The following KIF9 variants were observed in gnomAD, a reference collection of about 807,000 sequenced individuals.
The protein encoded by KIF9 is kinesin family member 9.
In KIF9, 68 loss-of-function variants were observed where a neutral mutation model predicts 94.8. The ratio of observed to expected loss-of-function variants is 0.72; its 90% CI spans 0.59 to 0.88. The LOEUF is 0.88. Among genes scored for constraint, KIF9 ranks in the 40% least tolerant of loss-of-function variants. The pLI, the probability that KIF9 is intolerant of heterozygous loss-of-function variation, is 0.00. For synonymous variants in KIF9, 343 were observed against 362.1 expected, an observed-to-expected ratio of 0.95 and a Z score of 0.60; for missense variants, 882 against 982.5, an observed-to-expected ratio of 0.90 and a Z score of 1.37.
Position 47,236,042 on chromosome 3 carries a change from C to T in KIF9, c.2209G>A (p.Val737Met). The change falls in exon 19 of 21, where the codon GTG becomes ATG. Residue 737 changes from valine (V) to methionine (M), a missense_variant. Physicochemically the swap from Val to Met is conservative, Grantham distance 21. Transcript: ENST00000684063. ...GCCCCTGTGCCGCTCACCAGAGACA[C>T]AATCCTGTTCACAGGGACCATGCCT... ...RPGMVPVNRI[V>M]SLGEDDQDKF... 2 of 1,613,512 alleles carry T rather than the reference C, an allele frequency of 1.2e-6. No homozygotes were observed. Among genetic ancestry groups the T allele is most frequent in the Non-Finnish European group, 1.7e-6 (2 of 1,179,450 alleles).
In KIF9 at chr3:47,234,845, C is replaced by T. The variant is rs528320427; in HGVS notation, c.2322+668G>A. Among the ~76,000 whole-genome samples the T allele has an allele frequency of 1.3e-3, 197 of 151,996 alleles. 2 individuals are homozygous for T. The highest frequency in any genetic ancestry group is 4.4e-3 in the African/African-American group (182 of 41,296). Reference sequence around the variant, plus strand: ...TGCTGGGATTACAGGCGTGAGCCACCGTGCCCAGCCATATACTTTCATGCT... The same window carrying T: ...TGCTGGGATTACAGGCGTGAGCCACTGTGCCCAGCCATATACTTTCATGCT... On this transcript the variant is annotated intron_variant, in intron 20 of 20. Transcript: ENST00000684063.
At chr3:47,247,113 G>T (rs541363503) in intron 12 of KIF9, among the ~76,000 whole-genome samples, 8 of 152,168 alleles carry the variant, frequency 5.3e-5, no homozygotes, top group Non-Finnish European at 8.8e-5. Context: ...TGAAGTACAC[G>T]AGGTTGAGTA....
At chr3:47,246,854 A>G (rs1699957988) in intron 12 of KIF9, among the ~76,000 whole-genome samples, 1 of 152,146 alleles carries the variant, frequency 6.6e-6, no homozygotes, top group Admixed American at 6.5e-5. Flanking sequence ...CCATGTCTCC[A>G]AGAAGAGGGG....
chr3:47,278,850 TAATCCC>T (rs1246768838), intron 1 of KIF9, among the ~76,000 whole-genome samples: 1 of 152,052 alleles, frequency 6.6e-6, no homozygotes, highest in Non-Finnish European at 1.5e-5. Context: ...CAGACGCCTG[TAATCCC>T]AGCTACTCAG....
chr3:47,280,921 AT>A (rs1382833900), intron 1 of KIF9: 1 of 702,906 alleles, frequency 1.4e-6, no homozygotes, highest in African/African-American at 1.7e-5. Context: ...ACACCCAAAC[AT>A]TTAGGGACCC....
intron 9 of KIF9, chr3:47,263,824 C>G (rs960138580): frequency 1.1e-5 from 5 of 456,528 alleles, no homozygotes; most frequent in Admixed American, 9.4e-5. Context: ...CCAGGTTACT[C>G]CTGCTTACCA....
chr3:47,271,559 A>G, intron 4 of KIF9, 98 bp from the exon 5 acceptor site: 1 of 821,140 alleles, frequency 1.2e-6, no homozygotes, highest in Non-Finnish European at 2.1e-6. Context: ...ATCAAGATGT[A>G]TAGAATAATT....
At chr3:47,281,215 C>A in intron 1 of KIF9, 1 of 566,986 alleles carries the variant, frequency 1.8e-6, no homozygotes, top group South Asian at 2.2e-5. Flanking sequence ...TCCCAAGGGG[C>A]ATATGATGTC....
intron 3 of KIF9, among the ~76,000 whole-genome samples, chr3:47,274,005 C>T (rs1701808644): frequency 1.3e-5 from 2 of 152,294 alleles, no homozygotes; most frequent in Admixed American, 6.5e-5. Flanking sequence ...GAGATAGGAG[C>T]ATTAGACTCC....
Position 47,235,600 on chromosome 3 carries a change from G to T in KIF9, c.2235C>A (p.Asp745Glu), listed in dbSNP as rs763055489. 6.2e-7 allele frequency: 1 copy of T among 1,613,996 alleles called. No homozygotes were observed. Among genetic ancestry groups the T allele is most frequent in the Non-Finnish European group, 8.5e-7 (1 of 1,179,874 alleles). The part of the protein sequence containing the change: ...RIVSLGEDDQ[D>E]KFSQLQQRVL... ...CCCTCTGCTGCAGCTGGCTGAATTTGTCCTGGTCATCTTCTCCCTGGGGGA... is the reference window on the plus strand; with the variant it reads ...CCCTCTGCTGCAGCTGGCTGAATTTTTCCTGGTCATCTTCTCCCTGGGGGA... Residue 745 changes from aspartate to glutamate, a missense_variant, in exon 20 of 21, where the codon GAC becomes GAA. By Grantham distance (45) the Asp-to-Glu change is conservative. Transcript: ENST00000684063.
Position 47,240,906 on chromosome 3 carries a change from T to A in KIF9, c.1819A>T (p.Arg607Trp). ...TGTGTGGTCTCGCTGGCCCTTTTCC[T>A]CCGTTCATTCAAGATGGATTTGTTT... ...KENKSILNER[R>W]KRASETTQHI... The change falls in exon 17 of 21, where the codon AGG becomes TGG. Residue 607 changes from arginine to tryptophan, a missense_variant. By Grantham distance (101) the Arg-to-Trp change is moderately radical. Transcript: ENST00000684063. The A allele has an allele frequency of 6.2e-7, 1 of 1,614,198 alleles. No homozygotes were observed. The highest frequency in any genetic ancestry group is 8.5e-7 in the Non-Finnish European group (1 of 1,180,044).
At chr3:47,268,554 A>AATATAAGG (rs1013802920) in intron 5 of KIF9, among the ~76,000 whole-genome samples, 1 of 151,814 alleles carries the variant, frequency 6.6e-6, no homozygotes, top group African/African-American at 2.4e-5. Context: ...ACTCACCAAG[A>AATATAAGG]ATATAAGGGG....
intron 16 of KIF9, among the ~76,000 whole-genome samples, chr3:47,241,228 G>A (rs1699455589): frequency 6.6e-6 from 1 of 152,240 alleles, no homozygotes; most frequent in South Asian, 2.1e-4. Flanking sequence ...ATGGCAGAAA[G>A]TGAGGAAAGC....
intron 17 of KIF9, among the ~76,000 whole-genome samples, chr3:47,240,583 A>G (rs576547016): frequency 2.0e-5 from 3 of 152,116 alleles, no homozygotes; most frequent in Non-Finnish European, 4.4e-5. Context: ...TAATGCAACA[A>G]TGAGGGACCC....
Position 47,275,431 on chromosome 3 carries a change from T to C in KIF9, c.153A>G (p.Thr51=). The C allele has an allele frequency of 6.2e-7, 1 of 1,613,616 alleles. No individual in the cohort carries two copies. Residue 51 remains threonine, a synonymous_variant, in exon 3 of 21, where the codon ACA becomes ACG. Coordinates refer to ENST00000684063, the MANE Select transcript of KIF9 (RefSeq NM_182902.4). The part of the protein sequence containing the change: ...IRRGVVNNQQ[T]DWSFKLDGVL... ...CTCCATCCAACTTAAACGACCAGTC[T>C]GTCTGTTGGTTATTGACAACTCCTC...
In KIF9 at chr3:47,228,483, G is replaced by A. The variant is rs1215218469; in HGVS notation, c.*169C>T. On this transcript the variant is annotated 3_prime_UTR_variant, in exon 21 of 21. Transcript: ENST00000684063. ...CAAAGTGCTCTGTGGAGATGAGCAA[G>A]GTTGTCCTTGGAGGATGCTCCTCCC... 2.9e-6 allele frequency: 2 copies of A among 682,258 alleles called. No individual in the cohort carries two copies. The highest frequency in any genetic ancestry group is 2.3e-5 in the Admixed American group (1 of 44,292). The allele number at this position is 682,258 out of a possible 1,614,324, so 42.3% of individuals were successfully genotyped here.
At chr3:47,263,680 G>C (rs951077928) in intron 9 of KIF9, 4 of 355,446 alleles carry the variant, frequency 1.1e-5, no homozygotes, top group African/African-American at 8.6e-5. Flanking sequence ...TTCAGGAAAA[G>C]TTCCCCATCA....
intron 8 of KIF9, 63 bp from the exon 9 acceptor site, chr3:47,264,413 A>T (rs1701169613): frequency 1.5e-6 from 2 of 1,336,406 alleles, no homozygotes; most frequent in South Asian, 1.2e-5. Flanking sequence ...AAAGGAGTTG[A>T]TGGGGTCTGT....
intron 10 of KIF9, 73 bp downstream of exon 10, chr3:47,257,410 G>T: frequency 7.5e-7 from 1 of 1,336,390 alleles, no homozygotes; most frequent in Non-Finnish European, 1.1e-6. Flanking sequence ...GGGAAGGCTC[G>T]CTTGTGTGAC....
Sources: allele counts gnomAD v4.1 joint callset (sites outside exome capture counted in the v4.1 genomes callset), GRCh38; gene constraint gnomAD v4.1.1; transcripts MANE v1.5; gene names NCBI Gene and HGNC (gene_info 2026-07-23, HGNC 2026-07-21).